The following CEP97 variants were observed in gnomAD, a reference collection of about 807,000 sequenced individuals.
The protein encoded by CEP97 is centrosomal protein 97.
CEP97 carries 43 observed loss-of-function variants against 73.1 expected under a neutral mutation model. The ratio of observed to expected loss-of-function variants is 0.59; its 90% CI spans 0.46 to 0.76. The LOEUF (loss-of-function observed/expected upper bound fraction) is 0.76. CEP97 is among the 30% of genes least tolerant of loss of function. CEP97 has a pLI of 0.00. For missense variants in CEP97, 939 were observed against 1,014.0 expected (o/e 0.93, Z 1.00); for synonymous variants, 337 against 370.0 (o/e 0.91, Z 1.02).
intron 4 of CEP97, among the ~76,000 whole-genome samples, chr3:101,729,625 G>A (rs1938027818): frequency 6.6e-6 from 1 of 151,884 alleles, no homozygotes; most frequent in African/African-American, 2.4e-5. Flanking sequence ...TGTCACCCAG[G>A]CTAGAGTGTA....
intron 9 of CEP97, among the ~76,000 whole-genome samples, chr3:101,760,285 T>C (rs1350294056): frequency 6.6e-6 from 1 of 151,936 alleles, no homozygotes; most frequent in Admixed American, 6.6e-5. Context: ...AGGTGTGAGG[T>C]AGTTATCTTA....
rs141813345 is a variant in CEP97 at position 101,757,973 on chromosome 3, T to C, written c.1367T>C (p.Leu456Ser). The part of the protein sequence containing the change: ...QVLDKEEEQP[L>S]WAANENSVQM... The stretch of plus-strand genomic sequence containing the variant: ...TTGGATAAGGAAGAGGAACAGCCTT[T>C]ATGGGCTGCAAATGAGAATTCTGTT... Residue 456 changes from leucine to serine, a missense_variant, in exon 9 of 11, where the codon TTA becomes TCA. Physicochemically the swap from Leu to Ser is moderately radical, Grantham distance 145. Coordinates refer to ENST00000341893, the MANE Select transcript of CEP97 (RefSeq NM_024548.4). 349 of 1,614,224 alleles carry C rather than the reference T, an allele frequency of 2.2e-4. 1 individual carries two copies. In the East Asian group the frequency reaches 7.6e-3, roughly 35 times the overall value.
intron 6 of CEP97, among the ~76,000 whole-genome samples, chr3:101,752,069 C>T (rs1938846068): frequency 6.6e-6 from 1 of 152,118 alleles, no homozygotes; most frequent in Non-Finnish European, 1.5e-5. Flanking sequence ...CCTTCAGGAC[C>T]TCTTTTAGGG....
At chr3:101,741,592 G>T (rs1229118207) in intron 6 of CEP97, among the ~76,000 whole-genome samples, 1 of 152,100 alleles carries the variant, frequency 6.6e-6, no homozygotes, top group Non-Finnish European at 1.5e-5. Context: ...ATCAAAAAGT[G>T]GGCAAAGGAT....
At chr3:101,727,597 A>T (rs1156916789) in intron 3 of CEP97, 56 bp downstream of exon 3, 8 of 1,487,900 alleles carry the variant, frequency 5.4e-6, no homozygotes, top group Non-Finnish European at 7.3e-6. Flanking sequence ...AATTCAAGCA[A>T]TGTAGAAATA....
intron 2 of CEP97, 127 bp downstream of exon 2, chr3:101,726,863 A>C: frequency 3.3e-6 from 2 of 603,584 alleles, no homozygotes; most frequent in Non-Finnish European, 5.6e-6. Flanking sequence ...AAATTTTTAC[A>C]TGACAGTTTC....
chr3:101,757,974 A>G lies in CEP97; in HGVS notation c.1368A>G (p.Leu456=). The change falls in exon 9 of 11, where the codon TTA becomes TTG. Residue 456 remains leucine (L), a synonymous_variant. Coordinates refer to ENST00000341893, the MANE Select transcript of CEP97 (RefSeq NM_024548.4). The stretch of plus-strand genomic sequence containing the variant: ...TGGATAAGGAAGAGGAACAGCCTTT[A>G]TGGGCTGCAAATGAGAATTCTGTTC... ...QVLDKEEEQP[L]WAANENSVQM... The G allele has an allele frequency of 2.5e-6, 4 of 1,614,250 alleles. No individual in the cohort carries two copies. The highest frequency in any genetic ancestry group is 3.4e-6 in the Non-Finnish European group (4 of 1,180,040).
chr3:101,732,766 T>G (rs1024545504), intron 6 of CEP97, 112 bp downstream of exon 6: 4 of 855,242 alleles, frequency 4.7e-6, no homozygotes, highest in Non-Finnish European at 5.4e-6. Flanking sequence ...AGAGTATTAG[T>G]GCAGTCATGT....
At chr3:101,757,496 G>A (rs1939042729) in intron 8 of CEP97, 138 bp from the exon 9 acceptor site, 2 of 791,276 alleles carry the variant, frequency 2.5e-6, no homozygotes. Context: ...TTGGTTTGAT[G>A]TTTTCGGCAT....
Position 101,765,345 on chromosome 3 carries a change from A to G in CEP97, c.2392A>G (p.Ser798Gly), listed in dbSNP as rs1479599134. 3.1e-6 allele frequency: 5 copies of G among 1,614,064 alleles called. No homozygotes were observed. The highest frequency in any genetic ancestry group is 4.2e-6 in the Non-Finnish European group (5 of 1,180,036). The change falls in exon 11 of 11, where the codon AGC becomes GGC. Residue 798 changes from serine to glycine, a missense_variant. Physicochemically the swap from Ser to Gly is moderately conservative, Grantham distance 56. Coordinates refer to ENST00000341893, the MANE Select transcript of CEP97 (RefSeq NM_024548.4). Reference protein sequence around the residue: ...RTNFDTETRDSKLHIACFPVQ... With the variant: ...RTNFDTETRDGKLHIACFPVQ... The stretch of plus-strand genomic sequence containing the variant: ...CAATTTTGATACAGAGACAAGAGAT[A>G]GCAAACTTCACATTGCTTGTTTCCC...
intron 6 of CEP97, among the ~76,000 whole-genome samples, chr3:101,739,614 T>C (rs1283657280): frequency 6.6e-6 from 1 of 152,008 alleles, no homozygotes; most frequent in Non-Finnish European, 1.5e-5. Context: ...TTCAATAAAA[T>C]TCAACACCCC....
Position 101,765,758 on chromosome 3 carries a change from T to A in CEP97, c.*207T>A, listed in dbSNP as rs2107199081. ...GTTAGCTTTTTACTTAGCTGTAAGGTACCAAACTATTTATATTGAAAGCTA... is the reference window on the plus strand; with the variant it reads ...GTTAGCTTTTTACTTAGCTGTAAGGAACCAAACTATTTATATTGAAAGCTA... On this transcript the variant is annotated 3_prime_UTR_variant, in exon 11 of 11. Transcript: ENST00000341893. 1.9e-6 allele frequency: 1 copy of A among 516,308 alleles called. No homozygotes were observed. The highest frequency in any genetic ancestry group is 3.2e-5 in the East Asian group (1 of 31,042). The allele number at this position is 516,308 out of a possible 1,614,324, so 32.0% of individuals were successfully genotyped here. A position where few individuals can be genotyped will look rare whatever the true frequency, so the allele number is the denominator to read the frequency against.
intron 6 of CEP97, among the ~76,000 whole-genome samples, 181 bp from the exon 7 acceptor site, chr3:101,755,249 T>C (rs576493503): frequency 6.6e-6 from 1 of 152,188 alleles, no homozygotes; most frequent in Non-Finnish European, 1.5e-5. Context: ...TTTGAAACAT[T>C]ATTAGAATGG....
At chr3:101,738,942 T>TA in intron 6 of CEP97, among the ~76,000 whole-genome samples, 1 of 151,508 alleles carries the variant, frequency 6.6e-6, no homozygotes, top group Non-Finnish European at 1.5e-5. Flanking sequence ...ACCAGACTAA[T>TA]AAGAAAAGAG....
chr3:101,737,020 A>G (rs1938300998), intron 6 of CEP97, among the ~76,000 whole-genome samples: 1 of 152,258 alleles, frequency 6.6e-6, no homozygotes, highest in African/African-American at 2.4e-5. Flanking sequence ...GCTGCAAAAC[A>G]CAGCACGAGA....
chr3:101,757,110 C>G lies in CEP97; in HGVS notation c.941C>G (p.Ser314Cys). 1 of 1,612,998 alleles carries G rather than the reference C, an allele frequency of 6.2e-7. No homozygotes were observed. The highest frequency in any genetic ancestry group is 8.5e-7 in the Non-Finnish European group (1 of 1,179,620). ...LMNQSQNEELSPLVPVETRAS... is the reference protein window; with the variant it reads ...LMNQSQNEELCPLVPVETRAS... ...AACCAAAGCCAAAATGAAGAGTTGT[C>G]TCCTCTTGTTCCTGTTGAAACAAGG... is the stretch of plus-strand genomic sequence containing the variant. The change falls in exon 8 of 11, where the codon TCT becomes TGT. Residue 314 changes from serine (S) to cysteine (C), a missense_variant. Ser to Cys is a moderately radical substitution (Grantham distance 112). Coordinates refer to ENST00000341893, the MANE Select transcript of CEP97 (RefSeq NM_024548.4).
chr3:101,752,192 TTTTC>T (rs1938850236), intron 6 of CEP97, among the ~76,000 whole-genome samples: 1 of 152,260 alleles, frequency 6.6e-6, no homozygotes, highest in Non-Finnish European at 1.5e-5. Flanking sequence ...GTTGAAATTC[TTTTC>T]TTTAAGAATG....
chr3:101,742,735 A>T (rs1938496772), intron 6 of CEP97, among the ~76,000 whole-genome samples: 1 of 146,654 alleles, frequency 6.8e-6, no homozygotes. Flanking sequence ...AAAGTATTTA[A>T]AAAAAAAAAA....
intron 1 of CEP97, 22 bp from the exon 2 acceptor site, chr3:101,726,572 A>G (rs1010195764): frequency 6.4e-7 from 1 of 1,551,532 alleles, no homozygotes; most frequent in Non-Finnish European, 8.7e-7. Context: ...TGTGTTTTCT[A>G]ACATTTCCGT....
Sources: allele counts gnomAD v4.1 joint callset (sites outside exome capture counted in the v4.1 genomes callset), GRCh38; gene constraint gnomAD v4.1.1; transcripts MANE v1.5; gene names NCBI Gene and HGNC (gene_info 2026-07-23, HGNC 2026-07-21).